TSPEAR: variants seen among roughly 807,000 people sequenced by gnomAD.
TSPEAR encodes thrombospondin type laminin G domain and EAR repeats, also known as thrombospondin-type laminin G domain and EAR repeat-containing protein.
A neutral mutation model predicts 71.6 loss-of-function variants in TSPEAR; 69 were observed. The observed-to-expected ratio is 0.96, with a 90% CI of 0.79 to 1.18. TSPEAR has a LOEUF of 1.18. Among genes scored for constraint, TSPEAR ranks in the 50% most tolerant of loss-of-function variants. The pLI is 0.00. For missense variants in TSPEAR, 971 were observed against 894.9 expected (o/e 1.09, Z -1.09); for synonymous variants, 402 against 387.2 (o/e 1.04, Z -0.45).
chr21:44,502,339 G>C (rs1164140343), intron 11 of TSPEAR, among the ~76,000 whole-genome samples: 1 of 152,208 alleles, frequency 6.6e-6, no homozygotes, highest in Non-Finnish European at 1.5e-5. Context: ...TAGAACACTA[G>C]AAATCAAGGG....
chr21:44,711,434 T>G lies in TSPEAR; in HGVS notation c.81A>C (p.Thr27=), dbSNP rs149709159. The part of the protein sequence containing the change: ...GHGTQGWEPC[T]DLRPLDILAE... Reference sequence around the variant, plus strand: ...CGAGTTCCCATGCCCCTGCCTTACCTGTGCAGGGCTCCCAACCCTGCGTGC... The same window carrying G: ...CGAGTTCCCATGCCCCTGCCTTACCGGTGCAGGGCTCCCAACCCTGCGTGC... The change falls in exon 1 of 12, where the codon ACA becomes ACC. Residue 27 remains threonine, a splice_region_variant and synonymous_variant. Transcript: ENST00000323084. This position sits in a 1 kb window ranked among gnomAD's most constrained non-coding sequence, Gnocchi z 4.5. 6.4e-5 allele frequency: 103 copies of G among 1,601,282 alleles called. No individual in the cohort carries two copies. Among genetic ancestry groups the G allele is most frequent in the Non-Finnish European group, 8.3e-5 (98 of 1,174,534 alleles).
intron 1 of TSPEAR, among the ~76,000 whole-genome samples, chr21:44,611,119 G>A (rs1288574738): frequency 6.6e-6 from 1 of 152,164 alleles, no homozygotes; most frequent in Admixed American, 6.5e-5. Context: ...GCTGAAATGA[G>A]TTAAGACTTT....
At chr21:44,574,975 G>T in intron 1 of TSPEAR, 1 of 1,612,024 alleles carries the variant, frequency 6.2e-7, no homozygotes. Flanking sequence ...CGCCCCGTGT[G>T]CTCCCGCCCA....
At chr21:44,644,499 G>A (rs1984194874) in intron 1 of TSPEAR, among the ~76,000 whole-genome samples, 1 of 152,098 alleles carries the variant, frequency 6.6e-6, no homozygotes, top group African/African-American at 2.4e-5. Context: ...AAAACGGGAG[G>A]CTCAGCAGGG....
intron 2 of TSPEAR, chr21:44,558,829 C>T (rs2053592442): frequency 7.4e-7 from 1 of 1,360,168 alleles, no homozygotes; most frequent in African/African-American, 1.5e-5. Context: ...ACCTTTATAC[C>T]CCTCTGTGTT....
chr21:44,516,492 T>C (rs1555913449), intron 9 of TSPEAR: 1 of 152,272 alleles, frequency 6.6e-6, no homozygotes, highest in African/African-American at 2.4e-5. Flanking sequence ...GCAGGGCCTC[T>C]GCTCTCCTTC....
chr21:44,675,618 C>T (rs587728660), intron 1 of TSPEAR, among the ~76,000 whole-genome samples: 1 of 152,090 alleles, frequency 6.6e-6, no homozygotes, highest in East Asian at 1.9e-4. Context: ...TTTTGATTGG[C>T]CTCACAAGTC....
intron 1 of TSPEAR, among the ~76,000 whole-genome samples, chr21:44,626,207 G>T (rs1555934286): frequency 1.3e-5 from 2 of 152,212 alleles, no homozygotes; most frequent in Non-Finnish European, 2.9e-5. Flanking sequence ...ATTATAATTA[G>T]CTGCTGGGTA....
chr21:44,611,288 G>T (rs587770664), intron 1 of TSPEAR, among the ~76,000 whole-genome samples: 1 of 152,196 alleles, frequency 6.6e-6, no homozygotes, highest in South Asian at 2.1e-4. Flanking sequence ...GAACCCAGGG[G>T]GAGATAATTG....
At chr21:44,611,270 T>C (rs1981651328) in intron 1 of TSPEAR, among the ~76,000 whole-genome samples, 1 of 152,158 alleles carries the variant, frequency 6.6e-6, no homozygotes, top group South Asian at 2.1e-4. Context: ...TCCTACATGT[T>C]GTGGGAGGAA....
chr21:44,579,964 A>C, intron 1 of TSPEAR: 1 of 1,613,724 alleles, frequency 6.2e-7, no homozygotes, highest in Non-Finnish European at 8.5e-7. Flanking sequence ...AAGCCGGCTG[A>C]CAGCTAGACT....
intron 2 of TSPEAR, among the ~76,000 whole-genome samples, chr21:44,542,176 G>C (rs1046379380): frequency 2.6e-5 from 4 of 152,146 alleles, no homozygotes. Context: ...CTGAAATTAA[G>C]AACTAGGTAG....
chr21:44,575,482 G>A (rs1327273476), intron 1 of TSPEAR: 1 of 177,850 alleles, frequency 5.6e-6, no homozygotes, highest in Non-Finnish European at 1.2e-5. Context: ...CTGTGCCCAG[G>A]GGCGTGTGGT....
At chr21:44,500,456 G>A (rs1292109718) in intron 11 of TSPEAR, among the ~76,000 whole-genome samples, 1 of 152,262 alleles carries the variant, frequency 6.6e-6, no homozygotes, top group Admixed American at 6.5e-5. Context: ...ATTTATCCCA[G>A]GAGCTTCCAT....
intron 1 of TSPEAR, chr21:44,702,096 C>A: frequency 2.3e-6 from 2 of 851,344 alleles, no homozygotes; most frequent in African/African-American, 1.7e-5. Flanking sequence ...GAGAGGGAGG[C>A]AGGGAAACTT....
chr21:44,528,924 G>C (rs2052910847), intron 5 of TSPEAR, among the ~76,000 whole-genome samples: 1 of 152,206 alleles, frequency 6.6e-6, no homozygotes, highest in African/African-American at 2.4e-5. Context: ...TCAGGAGGGA[G>C]TCCCTGTTGA....
At chr21:44,522,606 GC>G (rs1377755256) in intron 8 of TSPEAR, among the ~76,000 whole-genome samples, 2 of 152,224 alleles carry the variant, frequency 1.3e-5, no homozygotes, top group Non-Finnish European at 2.9e-5. Flanking sequence ...GCGGAGAGAT[GC>G]CCCCAGACCC....
intron 1 of TSPEAR, chr21:44,647,184 C>A (rs782429833): frequency 1.9e-6 from 3 of 1,613,702 alleles, no homozygotes; most frequent in Non-Finnish European, 2.5e-6. Flanking sequence ...TCCTCTGCCA[C>A]CCCGTGTGCA....
At chr21:44,637,425 C>A in intron 1 of TSPEAR, 3 of 1,605,072 alleles carry the variant, frequency 1.9e-6, no homozygotes, top group Non-Finnish European at 2.6e-6. Context: ...AGCATGGCCG[C>A]CTCCACCATG....
Sources: gnomAD v4.1 joint callset for allele counts (sites outside exome capture counted in the v4.1 genomes callset) on GRCh38, gnomAD v4.1.1 for gene constraint, Gnocchi (gnomAD v3.1) non-coding constraint, MANE v1.5 for transcripts, NCBI Gene and HGNC (gene_info 2026-07-23, HGNC 2026-07-21) for gene names.